The following RCAN2 variants were observed in gnomAD, a reference collection of about 807,000 sequenced individuals.
RCAN2 encodes calcipressin-2.
A neutral mutation model predicts 23.6 loss-of-function variants in RCAN2; 9 were observed. The ratio of observed to expected loss-of-function variants is 0.38; its 90% CI spans 0.23 to 0.67. The LOEUF (loss-of-function observed/expected upper bound fraction) is 0.67, where lower values mean the gene tolerates loss of function less well. Among genes scored for constraint, RCAN2 ranks in the 30% least tolerant of loss-of-function variants. The pLI is 0.51. For missense variants in RCAN2, 273 were observed against 302.3 expected (o/e 0.90, Z 0.72); for synonymous variants, 109 against 115.7 (o/e 0.94, Z 0.37).
chr6:46,234,680 C>T (rs368778624), intron 4 of RCAN2, among the ~76,000 whole-genome samples: 8 of 152,334 alleles, frequency 5.3e-5, no homozygotes, highest in African/African-American at 1.9e-4. Flanking sequence ...GGGTTTTCTA[C>T]CTATTCCATG....
In RCAN2 at chr6:46,355,792, G is replaced by A. The variant is rs1353008514; in HGVS notation, c.225+100960C>T. 4.6e-5 allele frequency among the ~76,000 whole-genome samples: 7 copies of A among 152,204 alleles called. No individual in the cohort carries two copies. The East Asian group carries it at 1.2e-3, about 25-fold the overall frequency. Reference sequence around the variant, plus strand: ...AAACTTGTGACTCAGATAAAGTTTGGTCTTATCTCCTGAGGTAGATCCACC... The same window carrying A: ...AAACTTGTGACTCAGATAAAGTTTGATCTTATCTCCTGAGGTAGATCCACC... On this transcript the variant is annotated intron_variant, in intron 2 of 4. Coordinates refer to ENST00000371374, the MANE Select transcript of RCAN2 (RefSeq NM_001251974.2).
intron 2 of RCAN2, among the ~76,000 whole-genome samples, chr6:46,279,937 T>C (rs1767846227): frequency 6.6e-6 from 1 of 152,232 alleles, no homozygotes; most frequent in Non-Finnish European, 1.5e-5. Flanking sequence ...AGTTAGTGTT[T>C]GGCACATGAT....
At chr6:46,414,538 TA>T (rs1422138861) in intron 2 of RCAN2, among the ~76,000 whole-genome samples, 2 of 152,346 alleles carry the variant, frequency 1.3e-5, no homozygotes, top group South Asian at 2.1e-4. Flanking sequence ...AACATATTTT[TA>T]GATGAGATTA....
At chr6:46,286,257 C>T (rs1762369110) in intron 2 of RCAN2, among the ~76,000 whole-genome samples, 2 of 152,182 alleles carry the variant, frequency 1.3e-5, no homozygotes, top group African/African-American at 4.8e-5. Context: ...CTGGCTGTTT[C>T]TGCACCTCAC....
intron 1 of RCAN2, among the ~76,000 whole-genome samples, chr6:46,475,378 A>G (rs567759708): frequency 6.6e-6 from 1 of 152,264 alleles, no homozygotes; most frequent in Admixed American, 6.5e-5. Flanking sequence ...GTAGGCAGTG[A>G]ATTGTTATGT....
chr6:46,236,332 C>T (rs1310232243), intron 4 of RCAN2, among the ~76,000 whole-genome samples: 1 of 152,190 alleles, frequency 6.6e-6, no homozygotes, highest in Non-Finnish European at 1.5e-5. Context: ...TCTCTGTCAT[C>T]ACTGGCAATT....
chr6:46,479,731 C>T (rs963659075), intron 1 of RCAN2, among the ~76,000 whole-genome samples: 19 of 151,910 alleles, frequency 1.3e-4, no homozygotes, highest in African/African-American at 3.9e-4. Flanking sequence ...TACAGGCACT[C>T]ACCTCCATGC....
intron 2 of RCAN2, among the ~76,000 whole-genome samples, chr6:46,383,482 A>T (rs1765663964): frequency 6.6e-6 from 1 of 152,230 alleles, no homozygotes. Context: ...ATGAATATTA[A>T]AGGTTAGAAG....
intron 2 of RCAN2, among the ~76,000 whole-genome samples, chr6:46,447,518 T>C (rs1187985433): frequency 1.3e-5 from 2 of 151,886 alleles, no homozygotes; most frequent in East Asian, 3.9e-4. Context: ...ATACAAAAGA[T>C]TGAATCCAAC....
At chr6:46,350,693 G>A (rs770974018) in intron 2 of RCAN2, among the ~76,000 whole-genome samples, 4 of 152,178 alleles carry the variant, frequency 2.6e-5, no homozygotes, top group East Asian at 1.9e-4. Context: ...GACTTGAAAC[G>A]GCTCTTGTTT....
intron 2 of RCAN2, among the ~76,000 whole-genome samples, chr6:46,254,074 T>C (rs1470762598): frequency 6.6e-6 from 1 of 152,224 alleles, no homozygotes; most frequent in Non-Finnish European, 1.5e-5. Context: ...CACAATTTGG[T>C]GGCACTGCAC....
At chr6:46,442,001 C>A (rs1767561133) in intron 2 of RCAN2, among the ~76,000 whole-genome samples, 2 of 152,152 alleles carry the variant, frequency 1.3e-5, no homozygotes, top group Admixed American at 1.3e-4. Context: ...GTGATGGTTA[C>A]CTTGGAGGAG....
intron 2 of RCAN2, among the ~76,000 whole-genome samples, chr6:46,410,975 C>A (rs950526235): frequency 2.0e-5 from 3 of 152,174 alleles, no homozygotes; most frequent in African/African-American, 7.2e-5. Flanking sequence ...GTTTGCCCAT[C>A]AACAACCCCA....
At chr6:46,482,602 C>A (rs1768894216) in intron 1 of RCAN2, among the ~76,000 whole-genome samples, 1 of 152,124 alleles carries the variant, frequency 6.6e-6, no homozygotes, top group Non-Finnish European at 1.5e-5. Context: ...AAAAGATATG[C>A]CCTTGAAAGT....
At chr6:46,473,311 A>G (rs563196181) in intron 1 of RCAN2, among the ~76,000 whole-genome samples, 2 of 152,226 alleles carry the variant, frequency 1.3e-5, no homozygotes, top group South Asian at 4.2e-4. Flanking sequence ...ATAGCTTCTT[A>G]ATATCAAGAA....
rs976424637 is a variant in RCAN2 at position 46,426,377 on chromosome 6, C to T, written c.225+30375G>A. ...TTCTCTAGGTTTTACTTTCAGTGTT[C>T]CTGTAATAAAATTATTATTAAAGAC... is the stretch of plus-strand genomic sequence containing the variant. On this transcript the variant is annotated intron_variant, in intron 2 of 4. Coordinates refer to ENST00000371374, the MANE Select transcript of RCAN2 (RefSeq NM_001251974.2). Among the ~76,000 whole-genome samples the T allele has an allele frequency of 2.0e-5, 3 of 152,120 alleles. No homozygotes were observed. The South Asian group carries it at 6.2e-4, about 32-fold the overall frequency.
At chr6:46,459,905 C>T (rs1474139594) in intron 1 of RCAN2, among the ~76,000 whole-genome samples, 1 of 152,022 alleles carries the variant, frequency 6.6e-6, no homozygotes, top group Non-Finnish European at 1.5e-5. Context: ...AGTAAAAACA[C>T]ATCGTGATAA....
intron 2 of RCAN2, 125 bp from the exon 3 acceptor site, chr6:46,249,021 C>A (rs1435538933): frequency 1.7e-6 from 1 of 602,464 alleles, no homozygotes; most frequent in Non-Finnish European, 2.7e-6. Context: ...AAATAGAACA[C>A]CAGTAATGTA....
At chr6:46,395,242 G>T (rs1400289353) in intron 2 of RCAN2, among the ~76,000 whole-genome samples, 2 of 152,154 alleles carry the variant, frequency 1.3e-5, no homozygotes, top group Non-Finnish European at 2.9e-5. Context: ...GTGTTTAAAG[G>T]CATGAGACAT....
Sources: allele counts gnomAD v4.1 joint callset (sites outside exome capture counted in the v4.1 genomes callset), GRCh38; gene constraint gnomAD v4.1.1; transcripts MANE v1.5; gene names NCBI Gene and HGNC (gene_info 2026-07-23, HGNC 2026-07-21).